Variants in FOXK2 observed in about 807,000 individuals in gnomAD.
FOXK2 encodes forkhead box K2.
In FOXK2, 24 loss-of-function variants were observed where a neutral mutation model predicts 53.3. That is an observed-to-expected ratio of 0.45 (90% CI 0.33 to 0.63). The LOEUF is 0.63. Among genes scored for constraint, FOXK2 ranks in the 30% least tolerant of loss-of-function variants. The probability of loss-of-function intolerance (pLI) is 0.03; values close to 1 mark genes in which losing one functional copy is unlikely to be tolerated. For missense variants in FOXK2, 952 were observed against 910.5 expected (o/e 1.05, Z -0.59); for synonymous variants, 505 against 407.1 (o/e 1.24, Z -2.89).
chr17:82,579,229 C>G (rs1170671802), intron 4 of FOXK2, among the ~76,000 whole-genome samples: 1 of 152,200 alleles, frequency 6.6e-6, no homozygotes, highest in Non-Finnish European at 1.5e-5. Context: ...CTACTTCACA[C>G]TTAAAATTCT....
intron 1 of FOXK2, among the ~76,000 whole-genome samples, chr17:82,548,564 T>A (rs77207724): frequency 2.6e-5 from 4 of 152,194 alleles, no homozygotes; most frequent in Admixed American, 6.6e-5. Context: ...GTGAATATTT[T>A]CTCCCATTCC....
chr17:82,586,449 CCGGGGG>C lies in FOXK2; in HGVS notation c.1576+250_1576+255del, dbSNP rs2045162689. Reference sequence around the variant, plus strand: ...AGACCACAGGGAGGTCAAAGGTGGGCCGGGGGGGGAAAGGAGGAGAGGGGAGACCAC... The same window carrying C: ...AGACCACAGGGAGGTCAAAGGTGGGCGGGAAAGGAGGAGAGGGGAGACCAC... On this transcript the variant is annotated intron_variant, in intron 7 of 8. Coordinates refer to ENST00000335255, the MANE Select transcript of FOXK2 (RefSeq NM_004514.4). Among the ~76,000 whole-genome samples the C allele has an allele frequency of 1.3e-3, 4 of 3,040 alleles. 1 individual carries two copies. Among genetic ancestry groups the C allele is most frequent in the East Asian group, 0.022 (2 of 90 alleles). The allele number at this position is 3,040 out of a possible 152,430, so 2.0% of individuals were successfully genotyped here.
intron 8 of FOXK2, among the ~76,000 whole-genome samples, chr17:82,590,695 AT>A (rs1432955824): frequency 6.6e-6 from 1 of 152,194 alleles, no homozygotes; most frequent in Non-Finnish European, 1.5e-5. Context: ...GTCACATGAA[AT>A]TTTTGGGTTC....
At chr17:82,579,497 G>A (rs1024652212) in intron 4 of FOXK2, among the ~76,000 whole-genome samples, 5 of 147,088 alleles carry the variant, frequency 3.4e-5, no homozygotes, top group Non-Finnish European at 6.0e-5. Context: ...ACAGGGCCCA[G>A]ATCCCTCCCA....
In FOXK2 at chr17:82,519,978, C is replaced by T. The variant is rs571811298; in HGVS notation, c.90C>T (p.Ser30=). 107 of 1,279,652 alleles carry T rather than the reference C, an allele frequency of 8.4e-5. No individual in the cohort carries two copies. In the African/African-American group the frequency reaches 1.6e-3, roughly 19 times the overall value. The allele number at this position is 1,279,652 out of a possible 1,614,324, so 79.3% of individuals were successfully genotyped here. A position where few individuals can be genotyped will look rare whatever the true frequency, so the allele number is the denominator to read the frequency against. Residue 30 remains serine, a synonymous_variant, in exon 1 of 9, where the codon TCC becomes TCT. Transcript: ENST00000335255. ...GCGGCGGGGCCGGGGGCGGCGGGTC[C>T]CCGCCGGGCGGCTGGGCCGTGGCGC... ...AGGGGAGGGG[S]PPGGWAVARL...
intron 2 of FOXK2, 89 bp downstream of exon 2, chr17:82,563,637 T>G: frequency 8.5e-7 from 1 of 1,180,574 alleles, no homozygotes; most frequent in Non-Finnish European, 1.2e-6. Flanking sequence ...TGCTGACTTA[T>G]GTGGAGAGAG....
intron 1 of FOXK2, 83 bp from the exon 2 acceptor site, chr17:82,563,271 C>CA (rs1221548682): frequency 2.3e-6 from 3 of 1,321,250 alleles, no homozygotes; most frequent in Admixed American, 4.6e-5. Flanking sequence ...TCAGCTGCTC[C>CA]AGTGTTGTGG....
At position 82,602,998 on chromosome 17, in the gene FOXK2, GC is replaced by G. The variant is rs1389725702; in HGVS notation, c.*1500del. ...AAATGGCTCAGAATGGTATATTTAG[GC>G]AATTTTAAAACATTTATTATTTACA... On this transcript the variant is annotated 3_prime_UTR_variant, in exon 9 of 9. Transcript: ENST00000335255. The G allele has an allele frequency of 6.6e-6, 1 of 152,580 alleles. No individual in the cohort carries two copies. The highest frequency in any genetic ancestry group is 1.9e-4 in the East Asian group (1 of 5,200). 9.5% of individuals were successfully genotyped at this position (152,580 alleles called of 1,614,324 possible).
chr17:82,535,713 G>A (rs182155640), intron 1 of FOXK2, among the ~76,000 whole-genome samples: 4 of 150,412 alleles, frequency 2.7e-5, no homozygotes, highest in East Asian at 2.0e-4. Flanking sequence ...TCACACACAC[G>A]TTGTTTTCCT....
Position 82,594,281 on chromosome 17 carries a change from G to A in FOXK2, c.1786+7009G>A, listed in dbSNP as rs543741115. On this transcript the variant is annotated intron_variant, in intron 8 of 8. Coordinates refer to ENST00000335255, the MANE Select transcript of FOXK2 (RefSeq NM_004514.4). Reference sequence around the variant, plus strand: ...TGGGAGGCCGAGGCGGGCGGATCACGAGGTCAGGAGATTGAGACCATCCTG... The same window carrying A: ...TGGGAGGCCGAGGCGGGCGGATCACAAGGTCAGGAGATTGAGACCATCCTG... Among the ~76,000 whole-genome samples, 137 of 152,174 alleles carry A rather than the reference G, an allele frequency of 9.0e-4. 1 individual carries two copies. The highest frequency in any genetic ancestry group is 3.1e-3 in the African/African-American group (130 of 41,534).
chr17:82,601,637 C>T lies in FOXK2; in HGVS notation c.*138C>T. On this transcript the variant is annotated 3_prime_UTR_variant, in exon 9 of 9. Transcript: ENST00000335255. ...CACTGAAAACCCAAAACCCAGCTGGCCTTAACACTCCTTAAAGACAGAAGT... is the reference window on the plus strand; with the variant it reads ...CACTGAAAACCCAAAACCCAGCTGGTCTTAACACTCCTTAAAGACAGAAGT... 3 of 733,812 alleles carry T rather than the reference C, an allele frequency of 4.1e-6. No homozygotes were observed. Among genetic ancestry groups the T allele is most frequent in the Non-Finnish European group, 6.5e-6 (3 of 462,524 alleles). The allele number at this position is 733,812 out of a possible 1,614,324, so 45.5% of individuals were successfully genotyped here.
chr17:82,588,798 C>T (rs2045223503), intron 8 of FOXK2, among the ~76,000 whole-genome samples: 1 of 151,580 alleles, frequency 6.6e-6, no homozygotes, highest in South Asian at 2.1e-4. Context: ...CGCCTGTAAT[C>T]CCAGCACTTT....
rs67410458 is a variant in FOXK2 at position 82,594,495 on chromosome 17, C to CAA, written c.1787-6789_1787-6788dup. Reference sequence around the variant, plus strand: ...CCTGGGCGACAGAGCGAGACTGTCTCAAAAAAAAAAAAAAAAAAAATGCTC... The same window carrying CAA: ...CCTGGGCGACAGAGCGAGACTGTCTCAAAAAAAAAAAAAAAAAAAAAATGCTC... On this transcript the variant is annotated intron_variant, in intron 8 of 8. Coordinates refer to ENST00000335255, the MANE Select transcript of FOXK2 (RefSeq NM_004514.4). 3.9e-3 allele frequency among the ~76,000 whole-genome samples: 450 copies of CAA among 116,576 alleles called. 3 individuals carry two copies. Among genetic ancestry groups the CAA allele is most frequent in the African/African-American group, 7.7e-3 (251 of 32,448 alleles). The allele number at this position is 116,576 out of a possible 152,430, so 76.5% of individuals were successfully genotyped here. A position where few individuals can be genotyped will look rare whatever the true frequency, so the allele number is the denominator to read the frequency against.
At chr17:82,576,687 A>G in intron 4 of FOXK2, 3 of 1,096,020 alleles carry the variant, frequency 2.7e-6, no homozygotes, top group Non-Finnish European at 2.7e-6. Context: ...GCCACTGCTT[A>G]AGTCTAGTCC....
At chr17:82,559,113 C>T (rs567892009) in intron 1 of FOXK2, among the ~76,000 whole-genome samples, 110 of 152,206 alleles carry the variant, frequency 7.2e-4, no homozygotes, top group African/African-American at 2.6e-3. Context: ...AGGCTGGTCT[C>T]GAACTTCTGA....
intron 4 of FOXK2, chr17:82,572,133 G>A: frequency 2.9e-6 from 1 of 341,454 alleles, no homozygotes; most frequent in Non-Finnish European, 5.3e-6. Flanking sequence ...GTCTGCATAG[G>A]ATTTGTGAAG....
intron 2 of FOXK2, 41 bp from the exon 3 acceptor site, chr17:82,568,013 A>C: frequency 6.5e-7 from 1 of 1,536,150 alleles, no homozygotes; most frequent in Non-Finnish European, 8.7e-7. Context: ...GGATGCGTGC[A>C]CTGTGATAGA....
chr17:82,582,679 A>T (rs1186700270), intron 4 of FOXK2, 62 bp from the exon 5 acceptor site: 1 of 1,382,948 alleles, frequency 7.2e-7, no homozygotes, highest in Admixed American at 2.4e-5. Flanking sequence ...TAAAACGAGG[A>T]CACATTTTTA....
chr17:82,589,434 C>G (rs1003731156), intron 8 of FOXK2, among the ~76,000 whole-genome samples: 1 of 152,288 alleles, frequency 6.6e-6, no homozygotes, highest in Non-Finnish European at 1.5e-5. Flanking sequence ...CTATGAGTAA[C>G]AAAATTGATA....
Sources: allele counts gnomAD v4.1 joint callset (sites outside exome capture counted in the v4.1 genomes callset), GRCh38; gene constraint gnomAD v4.1.1; transcripts MANE v1.5; gene names NCBI Gene and HGNC (gene_info 2026-07-23, HGNC 2026-07-21).